The following NBPF11 variants were observed in gnomAD, a reference collection of about 807,000 sequenced individuals.
The protein encoded by NBPF11 is NBPF family member NBPF11.
NBPF11 carries 72 observed loss-of-function variants against 93.9 expected under a neutral mutation model. That is an observed-to-expected ratio of 0.77 (90% CI 0.63 to 0.93). The LOEUF (loss-of-function observed/expected upper bound fraction) is 0.93. NBPF11 is among the 40% of genes least tolerant of loss of function. The pLI is 0.00. For synonymous variants in NBPF11, 224 were observed against 304.9 expected (o/e 0.73, Z 2.76); for missense variants, 705 against 802.2 (o/e 0.88, Z 1.46).
chr1:148,136,539 G>T (rs1309937838), intron 3 of NBPF11, among the ~76,000 whole-genome samples: 1 of 151,324 alleles, frequency 6.6e-6, no homozygotes, highest in Non-Finnish European at 1.5e-5. Context: ...AAATAATAAT[G>T]GTTTCAAGAA....
At chr1:148,108,972 C>G (rs1199178050) in intron 17 of NBPF11, among the ~76,000 whole-genome samples, 3 of 151,278 alleles carry the variant, frequency 2.0e-5, no homozygotes, top group Admixed American at 2.0e-4. Context: ...TCAGGACACA[C>G]AGTGAACAGT....
chr1:148,105,314 T>A, intron 22 of NBPF11, 46 bp downstream of exon 22: 1 of 741,866 alleles, frequency 1.3e-6, no homozygotes, highest in East Asian at 2.5e-5. Context: ...GATCTTTATA[T>A]GGAAGACTCA....
intron 2 of NBPF11, among the ~76,000 whole-genome samples, chr1:148,139,851 T>C (rs2149287188): frequency 6.7e-6 from 1 of 148,406 alleles, no homozygotes; most frequent in African/African-American, 2.5e-5. Context: ...ACTTAAATGA[T>C]ATTGACAGGT....
chr1:148,125,115 G>C lies in NBPF11; in HGVS notation c.176-114C>G, dbSNP rs1425746807. 253 of 768,048 alleles carry C rather than the reference G, an allele frequency of 3.3e-4. No individual in the cohort carries two copies. In the East Asian group the frequency reaches 4.1e-3, roughly 12 times the overall value. The allele number at this position is 768,048 out of a possible 1,614,324, so 47.6% of individuals were successfully genotyped here. Reference sequence around the variant, plus strand: ...AAGGACAAAACTCTCCCCAGTACCAGGGTCTAGACAGGGATTTCCACATCT... The same window carrying C: ...AAGGACAAAACTCTCCCCAGTACCACGGTCTAGACAGGGATTTCCACATCT... On this transcript the variant is annotated intron_variant, in intron 5 of 23. Transcript: ENST00000682118.
chr1:148,109,569 C>T (rs1319720586), intron 16 of NBPF11, among the ~76,000 whole-genome samples: 3 of 147,078 alleles, frequency 2.0e-5, no homozygotes, highest in Non-Finnish European at 4.5e-5. Flanking sequence ...TCCCTATGTG[C>T]TCTGTCCTAG....
chr1:148,145,201 CTTTTTTTT>C lies in NBPF11; in HGVS notation c.-548-1523_-548-1516del, dbSNP rs1190949525. Among the ~76,000 whole-genome samples, 11 of 75,608 alleles carry C rather than the reference CTTTTTTTT, an allele frequency of 1.5e-4. 1 individual carries two copies. Among genetic ancestry groups the C allele is most frequent in the African/African-American group, 5.8e-4 (10 of 17,264 alleles). The allele number at this position is 75,608 out of a possible 152,430, so 49.6% of individuals were successfully genotyped here. A position where few individuals can be genotyped will look rare whatever the true frequency, so the allele number is the denominator to read the frequency against. ...CTAGGCATTGATTTCTTTTTTCTTT[CTTTTTTTT>C]TTTTTTTTTTTTTTTGGTACAAGAC... On this transcript the variant is annotated intron_variant, in intron 1 of 23. Coordinates refer to ENST00000682118, the MANE Select transcript of NBPF11 (RefSeq NM_001385469.3).
intron 1 of NBPF11, among the ~76,000 whole-genome samples, chr1:148,148,861 G>T (rs1478497414): frequency 1.3e-5 from 2 of 151,686 alleles, no homozygotes; most frequent in Non-Finnish European, 2.9e-5. Context: ...AGGCGCCAGG[G>T]CCTCCCTTAC....
intron 3 of NBPF11, 33 bp from the exon 4 acceptor site, chr1:148,135,846 C>T: frequency 2.7e-6 from 2 of 739,908 alleles, no homozygotes; most frequent in African/African-American, 1.7e-5. Context: ...TTATTTACCT[C>T]CCCAGAGGAA....
chr1:148,120,653 A>C lies in NBPF11; in HGVS notation c.836T>G (p.Leu279Trp), dbSNP rs1382307413. The C allele has an allele frequency of 3.9e-6, 6 of 1,542,482 alleles. No individual in the cohort carries two copies. Among genetic ancestry groups the C allele is most frequent in the South Asian group, 3.3e-5 (3 of 89,664 alleles). The stretch of plus-strand genomic sequence containing the variant: ...GTTCATCTCTGCCTTCTCGCTGGAC[A>C]AAGGGCCGGCTGATACCACCATGCT... ...NVSMVVSAGP[L>W]SSEKAEMNIL... The change falls in exon 10 of 24, where the codon TTG (leucine) becomes TGG (tryptophan). Residue 279 changes from leucine (L) to tryptophan (W), a missense_variant. This residue lies in a region of NBPF11 where 262 missense variants were observed against 223.1 expected (regional missense o/e 1.17). Coordinates refer to ENST00000682118, the MANE Select transcript of NBPF11 (RefSeq NM_001385469.3).
rs1175471742 is a variant in NBPF11, at chr1:148,122,925, T to G, written c.494-124A>C. 2.3e-5 allele frequency: 36 copies of G among 1,562,392 alleles called. No individual in the cohort carries two copies. The East Asian group carries it at 7.4e-4, about 32-fold the overall frequency. On this transcript the variant is annotated intron_variant, in intron 7 of 23. Coordinates refer to ENST00000682118, the MANE Select transcript of NBPF11 (RefSeq NM_001385469.3). ...CAGCATTGTACTGAAAACTCTCATG[T>G]TTTATCCTTCACAAAATGCCCTGGC...
intron 4 of NBPF11, among the ~76,000 whole-genome samples, chr1:148,133,696 G>A (rs1248766899): frequency 6.6e-6 from 1 of 150,828 alleles, no homozygotes; most frequent in Non-Finnish European, 1.5e-5. Flanking sequence ...CCAGCACTTT[G>A]GGAGGCTGAG....
chr1:148,146,875 A>G (rs1673214293), intron 1 of NBPF11: 1 of 1,613,634 alleles, frequency 6.2e-7, no homozygotes, highest in Non-Finnish European at 8.5e-7. Flanking sequence ...TTCCGAGAGG[A>G]ACCTCTATGC....
At chr1:148,119,842 G>C in intron 10 of NBPF11, among the ~76,000 whole-genome samples, 1 of 151,984 alleles carries the variant, frequency 6.6e-6, no homozygotes, top group Non-Finnish European at 1.5e-5. Context: ...TTTTAGTGGA[G>C]ATGGGGTTTC....
intron 16 of NBPF11, among the ~76,000 whole-genome samples, chr1:148,110,135 G>A (rs1392321198): frequency 4.6e-3 from 691 of 151,610 alleles, no homozygotes; most frequent in African/African-American, 0.016. Flanking sequence ...GTTCAATGTC[G>A]TGACAGTCAG....
At chr1:148,121,089 G>A (rs1486303001) in intron 9 of NBPF11, among the ~76,000 whole-genome samples, 1 of 151,692 alleles carries the variant, frequency 6.6e-6, no homozygotes, top group Non-Finnish European at 1.5e-5. Flanking sequence ...CTGTCGCGCA[G>A]GCTGCAGTGC....
intron 13 of NBPF11, 130 bp from the exon 14 acceptor site, chr1:148,116,128 T>C: frequency 3.9e-6 from 4 of 1,021,346 alleles, no homozygotes; most frequent in Non-Finnish European, 4.5e-6. Context: ...ACGTTCCCAT[T>C]AAGAGGGAAC....
intron 1 of NBPF11, among the ~76,000 whole-genome samples, chr1:148,147,279 C>T (rs1363864491): frequency 3.9e-5 from 6 of 152,132 alleles, no homozygotes; most frequent in Non-Finnish European, 5.9e-5. Context: ...GGGAGCCCAT[C>T]GGCTGAGGCA....
intron 15 of NBPF11, among the ~76,000 whole-genome samples, chr1:148,111,421 T>C (rs1318151002): frequency 4.6e-5 from 7 of 151,960 alleles, no homozygotes; most frequent in African/African-American, 7.3e-5. Flanking sequence ...CTGACAGAAG[T>C]AGGCTTCAGA....
chr1:148,142,537 T>C (rs1230978913), intron 2 of NBPF11, among the ~76,000 whole-genome samples: 2 of 151,850 alleles, frequency 1.3e-5, no homozygotes, highest in Non-Finnish European at 2.9e-5. Context: ...TCTGACATCG[T>C]CCATTTGTCA....
Sources: gnomAD v4.1 joint callset for allele counts (sites outside exome capture counted in the v4.1 genomes callset) on GRCh38, gnomAD v4.1.1 for gene constraint, gnomAD v4.1.1 regional missense constraint, MANE v1.5 for transcripts, NCBI Gene and HGNC (gene_info 2026-07-23, HGNC 2026-07-21) for gene names.